The following SPAG16 variants were observed in gnomAD, a reference collection of about 807,000 sequenced individuals.
SPAG16 encodes the protein sperm associated antigen 16, also known as sperm-associated antigen 16 protein.
SPAG16 carries 86 observed loss-of-function variants against 80.4 expected under a neutral mutation model. The ratio of observed to expected loss-of-function variants is 1.07; its 90% CI spans 0.90 to 1.28. The LOEUF is 1.28. Ranked by LOEUF, SPAG16 falls within the 50% of genes most tolerant of loss-of-function variation. The pLI, the probability that SPAG16 is intolerant of heterozygous loss-of-function variation, is 0.00. For synonymous variants in SPAG16, 294 were observed against 265.9 expected, an observed-to-expected ratio of 1.11 and a Z score of -1.03; for missense variants, 870 against 765.3, an observed-to-expected ratio of 1.14 and a Z score of -1.61.
chr2:213,336,676 T>C (rs2064378735), intron 5 of SPAG16, among the ~76,000 whole-genome samples: 1 of 152,152 alleles, frequency 6.6e-6, no homozygotes, highest in Non-Finnish European at 1.5e-5. Context: ...TCTCACTGGG[T>C]GAGGCCTCTC....
chr2:214,038,590 G>A (rs1161895045), intron 13 of SPAG16, among the ~76,000 whole-genome samples: 5 of 151,786 alleles, frequency 3.3e-5, no homozygotes. Context: ...TGTGCACAAT[G>A]TGCAGGTTAG....
chr2:213,685,804 G>A (rs1259303431), intron 10 of SPAG16, among the ~76,000 whole-genome samples: 4 of 152,110 alleles, frequency 2.6e-5, no homozygotes, highest in African/African-American at 4.8e-5. Flanking sequence ...AGAAATCATT[G>A]GAAATAGGGA....
In SPAG16 at chr2:213,897,206, A is replaced by G. The variant is rs185240093; in HGVS notation, c.1215-32754A>G. Among the ~76,000 whole-genome samples, 49 of 152,280 alleles carry G rather than the reference A, an allele frequency of 3.2e-4. No homozygotes were observed. The East Asian group carries it at 8.5e-3, about 26-fold the overall frequency. ...CTGAAACTATGTACATATGTTATGC[A>G]TCAATAAAAGGTAATACCATCATGT... On this transcript the variant is annotated intron_variant, in intron 11 of 15. Coordinates refer to ENST00000331683, the MANE Select transcript of SPAG16 (RefSeq NM_024532.5).
At chr2:213,636,088 T>C (rs562451095) in intron 10 of SPAG16, among the ~76,000 whole-genome samples, 1 of 152,200 alleles carries the variant, frequency 6.6e-6, no homozygotes, top group Non-Finnish European at 1.5e-5. Flanking sequence ...TCTGGTCTTA[T>C]ATTTAAGTCT....
At chr2:213,716,526 G>A (rs998294638) in intron 10 of SPAG16, among the ~76,000 whole-genome samples, 2 of 152,126 alleles carry the variant, frequency 1.3e-5, no homozygotes, top group African/African-American at 4.8e-5. Flanking sequence ...TCCTTAACCA[G>A]GAAGCTATTG....
chr2:213,356,513 A>G lies in SPAG16; in HGVS notation c.762+5868A>G, dbSNP rs72638286. Among the ~76,000 whole-genome samples the G allele has an allele frequency of 9.2e-3, 1,404 of 152,324 alleles. 14 individuals carry two copies. Among genetic ancestry groups the G allele is most frequent in the South Asian group, 0.038 (186 of 4,834 alleles). ...GTCCAGGAATTTATCCATTTATTCT[A>G]AATTTTCTAGTTTATTTGCATAGAG... On this transcript the variant is annotated intron_variant, in intron 7 of 15. Coordinates refer to ENST00000331683, the MANE Select transcript of SPAG16 (RefSeq NM_024532.5).
chr2:213,865,816 T>A (rs1196231018), intron 11 of SPAG16, among the ~76,000 whole-genome samples: 3 of 148,012 alleles, frequency 2.0e-5, no homozygotes, highest in Non-Finnish European at 4.5e-5. Flanking sequence ...GGAGGTACAA[T>A]ACATTAGATA....
chr2:214,042,172 A>T lies in SPAG16; in HGVS notation c.1527+28095A>T, dbSNP rs73075036. On this transcript the variant is annotated intron_variant, in intron 13 of 15. Transcript: ENST00000331683. ...ACGATCTTGAATTACTGCAACCTCT[A>T]TCTCCTGGGTTCGTGGGTCCAAGTG... is the stretch of plus-strand genomic sequence containing the variant. Among the ~76,000 whole-genome samples, 868 of 150,414 alleles carry T rather than the reference A, an allele frequency of 5.8e-3. 4 individuals carry two copies. Among genetic ancestry groups the T allele is most frequent in the African/African-American group, 0.02 (838 of 40,950 alleles).
Position 213,954,725 on chromosome 2 carries a change from A to G in SPAG16, c.1400+24580A>G, listed in dbSNP as rs146700578. 4.9e-3 allele frequency among the ~76,000 whole-genome samples: 745 copies of G among 152,292 alleles called. 9 individuals are homozygous for G. Among genetic ancestry groups the G allele is most frequent in the African/African-American group, 0.017 (704 of 41,576 alleles). On this transcript the variant is annotated intron_variant, in intron 12 of 15. Coordinates refer to ENST00000331683, the MANE Select transcript of SPAG16 (RefSeq NM_024532.5). ...GTGACTGTAGGTTAATGTTTAAAAG[A>G]GCTACCAAACTGTTTTCCATAGTGC...
intron 15 of SPAG16, among the ~76,000 whole-genome samples, chr2:214,362,503 A>C (rs986746190): frequency 6.6e-6 from 1 of 151,844 alleles, no homozygotes; most frequent in African/African-American, 2.4e-5. Context: ...TTGATATTTC[A>C]TTTTTCACAA....
chr2:214,392,909 AATATTCTCTCTTAATAGGAAGTCC>A (rs1472147693), intron 15 of SPAG16, among the ~76,000 whole-genome samples: 1 of 152,250 alleles, frequency 6.6e-6, no homozygotes, highest in Non-Finnish European at 1.5e-5. Flanking sequence ...ATAAGAGTCT[AATATTCTCTCTTAATAGGAAGTCC>A]ATAGAAAATG....
intron 13 of SPAG16, among the ~76,000 whole-genome samples, chr2:214,093,749 G>GT (rs1232188222): frequency 6.6e-6 from 1 of 152,016 alleles, no homozygotes; most frequent in Non-Finnish European, 1.5e-5. Flanking sequence ...TAAAAGGCTA[G>GT]TTTTGCAGGC....
Position 214,108,239 on chromosome 2 carries a change from A to G in SPAG16, c.1571A>G (p.Asn524Ser), listed in dbSNP as rs113852644. Residue 524 changes from asparagine (N) to serine (S), a missense_variant, in exon 14 of 16, where the codon AAT becomes AGT. By Grantham distance (46) the Asn-to-Ser change is conservative. Coordinates refer to ENST00000331683, the MANE Select transcript of SPAG16 (RefSeq NM_024532.5). ...QSLYGHMHSI[N>S]DAIFDPRGHM... is the part of the protein sequence containing the mutation. ...CTTTATGGTCACATGCATTCTATCAATGATGCCATTTTTGATCCCAGGGTA... is the reference window on the plus strand; with the variant it reads ...CTTTATGGTCACATGCATTCTATCAGTGATGCCATTTTTGATCCCAGGGTA... The G allele has an allele frequency of 2.8e-5, 45 of 1,601,912 alleles. No individual in the cohort carries two copies. The highest frequency in any genetic ancestry group is 2.0e-4 in the African/African-American group (15 of 74,750).
chr2:213,407,618 AG>A (rs2068694499), intron 9 of SPAG16, among the ~76,000 whole-genome samples: 1 of 129,410 alleles, frequency 7.7e-6, no homozygotes, highest in African/African-American at 2.7e-5. Flanking sequence ...AGAGAGAGAG[AG>A]AGAGAGAGAG....
chr2:213,798,733 C>G (rs193163590), intron 10 of SPAG16, among the ~76,000 whole-genome samples: 91 of 152,148 alleles, frequency 6.0e-4, no homozygotes, highest in African/African-American at 2.0e-3. Flanking sequence ...GGTCCGTGAT[C>G]CATTTTTATT....
intron 4 of SPAG16, among the ~76,000 whole-genome samples, chr2:213,312,692 A>G (rs1345351571): frequency 6.6e-6 from 1 of 151,814 alleles, no homozygotes; most frequent in Non-Finnish European, 1.5e-5. Flanking sequence ...CAAAAGTAAT[A>G]GTACAATTAT....
Position 214,126,034 on chromosome 2 carries a change from C to T in SPAG16, c.1593+17773C>T, listed in dbSNP as rs867221364. ...TCCTTCCTTCCTTCCTTCCTTCCTT[C>T]CTTCCTTCCTTCCTTCCTTCCTTCC... On this transcript the variant is annotated intron_variant, in intron 14 of 15. Coordinates refer to ENST00000331683, the MANE Select transcript of SPAG16 (RefSeq NM_024532.5). Among the ~76,000 whole-genome samples the T allele has an allele frequency of 6.3e-3, 52 of 8,202 alleles. 10 individuals carry two copies. The highest frequency in any genetic ancestry group is 0.013 in the South Asian group (2 of 154). 5.4% of individuals were successfully genotyped at this position (8,202 alleles called of 152,430 possible).
Position 213,284,479 on chromosome 2 carries a change from C to A in SPAG16, c.-5C>A. On this transcript the variant is annotated 5_prime_UTR_variant, in exon 1 of 16. Coordinates refer to ENST00000331683, the MANE Select transcript of SPAG16 (RefSeq NM_024532.5). ...TGCTGGGGGTGGGGGCCCGAAGCGC[C>A]AGAGATGGCTGCTCAGCGAGGGATG... 6 of 1,563,020 alleles carry A rather than the reference C, an allele frequency of 3.8e-6. No individual in the cohort carries two copies. Among genetic ancestry groups the A allele is most frequent in the Non-Finnish European group, 5.2e-6 (6 of 1,154,284 alleles).
chr2:214,259,893 A>G (rs758384676), intron 15 of SPAG16, among the ~76,000 whole-genome samples: 15 of 152,200 alleles, frequency 9.9e-5, no homozygotes, highest in Non-Finnish European at 1.3e-4. Context: ...TCCTTTGACC[A>G]GATCTTTCCA....
Sources: allele counts gnomAD v4.1 joint callset (sites outside exome capture counted in the v4.1 genomes callset), GRCh38; gene constraint gnomAD v4.1.1; transcripts MANE v1.5; gene names NCBI Gene and HGNC (gene_info 2026-07-23, HGNC 2026-07-21).